The following KHDRBS3 variants were observed in gnomAD, a reference collection of about 807,000 sequenced individuals.
KHDRBS3 encodes the protein KH RNA binding domain containing, signal transduction associated 3, also known as KH domain-containing, RNA-binding, signal transduction-associated protein 3.
Under a neutral mutation model 45.6 loss-of-function variants are expected in KHDRBS3, and 23 were observed. The ratio of observed to expected loss-of-function variants is 0.50; its 90% CI spans 0.36 to 0.72. The LOEUF (loss-of-function observed/expected upper bound fraction) is 0.72. Ranked by LOEUF, KHDRBS3 falls within the 30% of genes least tolerant of loss-of-function variation. The probability of loss-of-function intolerance (pLI) is 0.00; values close to 1 mark genes in which losing one functional copy is unlikely to be tolerated. For missense variants in KHDRBS3, 352 were observed against 424.8 expected, an observed-to-expected ratio of 0.83 and a Z score of 1.51; for synonymous variants, 162 against 156.5, an observed-to-expected ratio of 1.04 and a Z score of -0.26.
chr8:135,513,680 T>G (rs566537077), intron 1 of KHDRBS3, among the ~76,000 whole-genome samples: 1 of 152,334 alleles, frequency 6.6e-6, no homozygotes, highest in South Asian at 2.1e-4. Context: ...AAGTGGACCC[T>G]TTTGCCATTA....
At chr8:135,465,022 C>T (rs546186280) in intron 1 of KHDRBS3, among the ~76,000 whole-genome samples, 13 of 152,272 alleles carry the variant, frequency 8.5e-5, no homozygotes, top group Admixed American at 2.6e-4. Flanking sequence ...AGGGCAGTTG[C>T]GTACCATACA....
intron 6 of KHDRBS3, among the ~76,000 whole-genome samples, chr8:135,596,298 A>G (rs1828971156): frequency 6.6e-6 from 1 of 152,212 alleles, no homozygotes; most frequent in Non-Finnish European, 1.5e-5. Flanking sequence ...GTAGGTGAGA[A>G]TGTGAACTGA....
chr8:135,518,898 C>G (rs1200435383), intron 1 of KHDRBS3, among the ~76,000 whole-genome samples: 1 of 152,112 alleles, frequency 6.6e-6, no homozygotes, highest in Admixed American at 6.5e-5. Context: ...ATTTTATATC[C>G]TGTCATATTG....
intron 2 of KHDRBS3, chr8:135,540,541 C>T (rs541598054): frequency 6.6e-6 from 1 of 152,268 alleles, no homozygotes; most frequent in South Asian, 2.1e-4. Context: ...CTGTGAGGCT[C>T]CAAGATACAG....
intron 7 of KHDRBS3, among the ~76,000 whole-genome samples, chr8:135,628,098 T>A (rs1830450879): frequency 6.6e-6 from 1 of 152,186 alleles, no homozygotes; most frequent in Non-Finnish European, 1.5e-5. Context: ...GTCTGGCTTT[T>A]CTGTTGTCAA....
At chr8:135,619,000 C>A (rs1563810132) in intron 7 of KHDRBS3, among the ~76,000 whole-genome samples, 1 of 152,196 alleles carries the variant, frequency 6.6e-6, no homozygotes, top group Non-Finnish European at 1.5e-5. Context: ...TTCCAGCTCA[C>A]CTCATATCTG....
intron 2 of KHDRBS3, among the ~76,000 whole-genome samples, chr8:135,526,546 A>G (rs1251780672): frequency 6.6e-6 from 1 of 152,282 alleles, no homozygotes; most frequent in East Asian, 1.9e-4. Flanking sequence ...AGTCCTAAGA[A>G]GAAGCTTTCA....
intron 7 of KHDRBS3, among the ~76,000 whole-genome samples, chr8:135,614,716 AC>A (rs1829847147): frequency 6.6e-6 from 1 of 151,808 alleles, no homozygotes. Context: ...GGAAAAAAAA[AC>A]AAAAAAAAGA....
At chr8:135,538,080 C>T (rs979192177) in intron 2 of KHDRBS3, among the ~76,000 whole-genome samples, 3 of 152,034 alleles carry the variant, frequency 2.0e-5, no homozygotes, top group Non-Finnish European at 2.9e-5. Context: ...AAAGGCTTTC[C>T]TTTCATGAGT....
At chr8:135,632,890 G>C (rs549944042) in intron 7 of KHDRBS3, among the ~76,000 whole-genome samples, 1 of 152,178 alleles carries the variant, frequency 6.6e-6, no homozygotes, top group African/African-American at 2.4e-5. Context: ...CTTGACATTT[G>C]ATGGTCCCTC....
chr8:135,577,995 A>G (rs1368039781), intron 5 of KHDRBS3, among the ~76,000 whole-genome samples: 2 of 152,160 alleles, frequency 1.3e-5, no homozygotes, highest in African/African-American at 4.8e-5. Flanking sequence ...AATGATGTTG[A>G]ACATCTTTAT....
At chr8:135,619,816 GATA>G (rs1261755551) in intron 7 of KHDRBS3, among the ~76,000 whole-genome samples, 4 of 152,312 alleles carry the variant, frequency 2.6e-5, no homozygotes, top group African/African-American at 7.2e-5. Flanking sequence ...GCTTCTCCAG[GATA>G]ATGATTGCCC....
At chr8:135,534,319 A>G (rs1731091429) in intron 2 of KHDRBS3, among the ~76,000 whole-genome samples, 1 of 151,678 alleles carries the variant, frequency 6.6e-6, no homozygotes, top group Non-Finnish European at 1.5e-5. Context: ...GCTTCCTTTC[A>G]TCTCCCTGTG....
At position 135,494,365 on chromosome 8, in the gene KHDRBS3, G is replaced by A. The variant is rs1364181395; in HGVS notation, c.89-26872G>A. On this transcript the variant is annotated intron_variant, in intron 1 of 8. Transcript: ENST00000355849. ...GTGATCTCGGCTCACTGCAAGCTCC[G>A]CCTCCCGGGTTCACGCCATTCTCCT... 2.5e-4 allele frequency among the ~76,000 whole-genome samples: 33 copies of A among 132,142 alleles called. 1 individual carries two copies. In the Admixed American group the frequency reaches 2.9e-3, roughly 12 times the overall value. 86.7% of individuals were successfully genotyped at this position (132,142 alleles called of 152,430 possible).
chr8:135,605,676 A>T (rs188168576), intron 6 of KHDRBS3, among the ~76,000 whole-genome samples: 11 of 152,278 alleles, frequency 7.2e-5, no homozygotes, highest in Admixed American at 2.6e-4. Flanking sequence ...GGTTCTCCAT[A>T]TATATGAGTT....
chr8:135,548,758 A>T lies in KHDRBS3; in HGVS notation c.329A>T (p.Glu110Val). ...KGSMRDKAKE[E>V]ELRKSGEAKY... The stretch of plus-strand genomic sequence containing the variant: ...TTTCTTTTTTCCTTTTTCCAGGAAG[A>T]AGAGTTGAGGAAAAGTGGAGAAGCG... The change falls in exon 4 of 9, where the codon GAA (glutamate) becomes GTA (valine). Residue 110 changes from glutamate (E) to valine (V), a missense_variant. Glu to Val is a moderately radical substitution (Grantham distance 121, BLOSUM62 -2). This residue lies in a region of KHDRBS3 where 46 missense variants were observed against 45.9 expected (regional missense o/e 1.00). Coordinates refer to ENST00000355849, the MANE Select transcript of KHDRBS3 (RefSeq NM_006558.3). 1 of 1,528,374 alleles carries T rather than the reference A, an allele frequency of 6.5e-7. No homozygotes were observed. The highest frequency in any genetic ancestry group is 8.8e-7 in the Non-Finnish European group (1 of 1,139,490). The allele number at this position is 1,528,374 out of a possible 1,614,324, so 94.7% of individuals were successfully genotyped here.
chr8:135,502,881 G>A (rs1207676485), intron 1 of KHDRBS3, among the ~76,000 whole-genome samples: 1 of 152,088 alleles, frequency 6.6e-6, no homozygotes, highest in Non-Finnish European at 1.5e-5. Flanking sequence ...GATGTATTCT[G>A]TAGTAACCTC....
intron 1 of KHDRBS3, among the ~76,000 whole-genome samples, chr8:135,488,859 T>C (rs181332508): frequency 6.6e-6 from 1 of 152,344 alleles, no homozygotes; most frequent in Admixed American, 6.5e-5. Flanking sequence ...GCTTAATAAG[T>C]GATGCTTATG....
intron 5 of KHDRBS3, among the ~76,000 whole-genome samples, chr8:135,569,588 T>G: frequency 6.6e-6 from 1 of 152,162 alleles, no homozygotes; most frequent in Admixed American, 6.5e-5. Context: ...AAGTTATACT[T>G]TCCTTCCTTG....
Sources: allele counts gnomAD v4.1 joint callset (sites outside exome capture counted in the v4.1 genomes callset), GRCh38; gene constraint gnomAD v4.1.1; regional missense constraint gnomAD v4.1.1; transcripts MANE v1.5; gene names NCBI Gene and HGNC (gene_info 2026-07-23, HGNC 2026-07-21).